Variants in SPSB4 observed in about 807,000 individuals in gnomAD.
SPSB4 encodes the protein splA/ryanodine receptor domain and SOCS box containing 4, also known as SPRY domain-containing SOCS box protein 4.
A neutral mutation model predicts 20.9 loss-of-function variants in SPSB4; 21 were observed. The ratio of observed to expected loss-of-function variants is 1.01; its 90% CI spans 0.71 to 1.45. The LOEUF (loss-of-function observed/expected upper bound fraction) is 1.45, where lower values mean the gene tolerates loss of function less well. Ranked by LOEUF, SPSB4 falls within the 40% of genes most tolerant of loss-of-function variation. The pLI is 0.00. For synonymous variants in SPSB4, 207 were observed against 183.8 expected, an observed-to-expected ratio of 1.13 and a Z score of -1.02; for missense variants, 399 against 399.2, an observed-to-expected ratio of 1.00 and a Z score of 0.00.
chr3:141,118,576 C>G (rs1333795920), intron 2 of SPSB4, among the ~76,000 whole-genome samples: 2 of 152,120 alleles, frequency 1.3e-5, no homozygotes, highest in Non-Finnish European at 2.9e-5. Flanking sequence ...ATGCCTATGT[C>G]CTGAATGGTA....
intron 2 of SPSB4, among the ~76,000 whole-genome samples, chr3:141,091,588 G>A (rs1485706687): frequency 6.6e-6 from 1 of 152,090 alleles, no homozygotes; most frequent in Non-Finnish European, 1.5e-5. Context: ...TGTAAGGGAA[G>A]TGCCCAGATC....
At chr3:141,140,767 C>T (rs1939312544) in intron 2 of SPSB4, among the ~76,000 whole-genome samples, 1 of 152,258 alleles carries the variant, frequency 6.6e-6, no homozygotes, top group African/African-American at 2.4e-5. Context: ...AGTTAGGCTA[C>T]TCGGGGGTCA....
At chr3:141,109,698 T>C (rs2107797874) in intron 2 of SPSB4, among the ~76,000 whole-genome samples, 1 of 152,120 alleles carries the variant, frequency 6.6e-6, no homozygotes, top group South Asian at 2.1e-4. Context: ...ATCTTACATC[T>C]CAGCAGCCTT....
chr3:141,121,597 G>T (rs1391177876), intron 2 of SPSB4, among the ~76,000 whole-genome samples: 1 of 152,144 alleles, frequency 6.6e-6, no homozygotes, highest in Non-Finnish European at 1.5e-5. Flanking sequence ...ATTTCTTGGA[G>T]GCTTTGTTCA....
intron 2 of SPSB4, among the ~76,000 whole-genome samples, chr3:141,085,580 G>A (rs186669839): frequency 6.6e-6 from 1 of 152,352 alleles, no homozygotes; most frequent in East Asian, 1.9e-4. Flanking sequence ...ATGCTTCTGT[G>A]CATAGCCCAA....
chr3:141,059,454 A>G (rs1937722724), intron 1 of SPSB4, among the ~76,000 whole-genome samples: 1 of 115,732 alleles, frequency 8.6e-6, no homozygotes, highest in Admixed American at 8.5e-5. Flanking sequence ...CAGAAGGTGA[A>G]GGAGGAGAAG....
At chr3:141,090,501 CA>C (rs1268321267) in intron 2 of SPSB4, among the ~76,000 whole-genome samples, 1 of 151,502 alleles carries the variant, frequency 6.6e-6, no homozygotes. Context: ...GATATTTAAG[CA>C]AAAAAAACTT....
intron 2 of SPSB4, chr3:141,132,314 A>G (rs1939147607): frequency 6.2e-6 from 2 of 321,424 alleles, no homozygotes; most frequent in Admixed American, 4.5e-5. Context: ...ACTACAGGTG[A>G]GCACCACCAT....
rs1937894320 is a variant in SPSB4, at chr3:141,066,769, TC to T, written c.666del (p.Thr223ProfsTer15). 1.3e-6 allele frequency: 2 copies of T among 1,573,924 alleles called. No individual in the cohort carries two copies. On this transcript the variant is annotated frameshift_variant, in exon 2 of 3. Coordinates refer to ENST00000310546, the MANE Select transcript of SPSB4 (RefSeq NM_080862.3). LOFTEE classifies it high-confidence loss of function. Reference sequence around the variant, plus strand: ...AGTGCCGTGTGGGGCCACTGTGAAGTCACCATGCGCTACATCAACGGCCTTG... The same window carrying T: ...AGTGCCGTGTGGGGCCACTGTGAAGTACCATGCGCTACATCAACGGCCTTG... Reference protein sequence around the residue: ...VVSAVWGHCEVTMRYINGLDP... With the variant: ...VVSAVWGHCEXTMRYINGLDP...
At chr3:141,100,572 A>G (rs1252522558) in intron 2 of SPSB4, among the ~76,000 whole-genome samples, 1 of 152,220 alleles carries the variant, frequency 6.6e-6, no homozygotes, top group Non-Finnish European at 1.5e-5. Flanking sequence ...TCCAGCCTCC[A>G]GAACTGTGAG....
At chr3:141,065,410 G>A (rs1937844547) in intron 1 of SPSB4, among the ~76,000 whole-genome samples, 1 of 152,182 alleles carries the variant, frequency 6.6e-6, no homozygotes, top group South Asian at 2.1e-4. Flanking sequence ...GGGAACCAAT[G>A]GGCCACACCC....
intron 2 of SPSB4, among the ~76,000 whole-genome samples, chr3:141,137,873 C>G (rs1439119834): frequency 1.3e-5 from 2 of 152,172 alleles, no homozygotes; most frequent in African/African-American, 2.4e-5. Context: ...AGGATTCCCT[C>G]TTTTTCTATT....
intron 2 of SPSB4, among the ~76,000 whole-genome samples, chr3:141,143,717 T>C (rs1433059562): frequency 6.6e-6 from 1 of 152,258 alleles, no homozygotes; most frequent in Non-Finnish European, 1.5e-5. Flanking sequence ...CTGTCATGAG[T>C]TGCTGTAATG....
At chr3:141,077,032 C>T (rs148811152) in intron 2 of SPSB4, 3 of 152,126 alleles carry the variant, frequency 2.0e-5, no homozygotes, top group Non-Finnish European at 4.4e-5. Flanking sequence ...TTTACAGGGT[C>T]GGGAGCCAGC....
At chr3:141,128,128 G>A (rs1939077567) in intron 2 of SPSB4, among the ~76,000 whole-genome samples, 1 of 152,202 alleles carries the variant, frequency 6.6e-6, no homozygotes, top group Non-Finnish European at 1.5e-5. Context: ...TGGTTAAGTC[G>A]GTGGGGAAGG....
intron 2 of SPSB4, among the ~76,000 whole-genome samples, chr3:141,146,762 A>G (rs1939418408): frequency 1.3e-5 from 2 of 150,526 alleles, no homozygotes; most frequent in African/African-American, 4.9e-5. Flanking sequence ...CGACAGAGCA[A>G]GACTCCATCT....
chr3:141,097,266 G>A (rs1559848050), intron 2 of SPSB4, among the ~76,000 whole-genome samples: 1 of 150,958 alleles, frequency 6.6e-6, no homozygotes, highest in Non-Finnish European at 1.5e-5. Flanking sequence ...TTCCCCCATT[G>A]TTCCTGCTCT....
intron 2 of SPSB4, among the ~76,000 whole-genome samples, chr3:141,121,101 G>A (rs887321108): frequency 3.3e-5 from 5 of 151,540 alleles, no homozygotes; most frequent in Non-Finnish European, 1.5e-5. Flanking sequence ...TTTTAGGGCA[G>A]GCCTGGTGGT....
At chr3:141,104,952 C>T (rs1250798954) in intron 2 of SPSB4, among the ~76,000 whole-genome samples, 4 of 152,184 alleles carry the variant, frequency 2.6e-5, no homozygotes, top group African/African-American at 9.7e-5. Context: ...AAGATCCCAC[C>T]TCTGGAAGGG....
Sources: allele counts gnomAD v4.1 joint callset (sites outside exome capture counted in the v4.1 genomes callset), GRCh38; gene constraint gnomAD v4.1.1; transcripts MANE v1.5; gene names NCBI Gene and HGNC (gene_info 2026-07-23, HGNC 2026-07-21).